The following STXBP5L variants were observed in gnomAD, a reference collection of about 807,000 sequenced individuals.
The protein encoded by STXBP5L is syntaxin binding protein 5L.
In STXBP5L, 65 loss-of-function variants were observed where a neutral mutation model predicts 144.5. That is an observed-to-expected ratio of 0.45 (90% CI 0.37 to 0.55). The LOEUF (loss-of-function observed/expected upper bound fraction) is 0.55. Ranked by LOEUF, STXBP5L falls within the 20% of genes least tolerant of loss-of-function variation. The pLI, the probability that STXBP5L is intolerant of heterozygous loss-of-function variation, is 0.00. For missense variants in STXBP5L, 1,298 were observed against 1,405.5 expected (o/e 0.92, Z 1.22); for synonymous variants, 505 against 469.6 (o/e 1.08, Z -0.97).
At chr3:121,122,219 A>G (rs894406390) in intron 7 of STXBP5L, among the ~76,000 whole-genome samples, 1 of 149,082 alleles carries the variant, frequency 6.7e-6, no homozygotes, top group Non-Finnish European at 1.5e-5. Flanking sequence ...GATATTTTTA[A>G]TATTAATTAA....
intron 20 of STXBP5L, among the ~76,000 whole-genome samples, chr3:121,338,272 G>C (rs1372385901): frequency 1.3e-5 from 2 of 152,014 alleles, no homozygotes; most frequent in African/African-American, 4.8e-5. Flanking sequence ...CAAAAAGTTG[G>C]TTCTTTGAAA....
chr3:120,976,783 T>A (rs1307979038), intron 3 of STXBP5L, among the ~76,000 whole-genome samples: 1 of 152,232 alleles, frequency 6.6e-6, no homozygotes, highest in Non-Finnish European at 1.5e-5. Context: ...TCTTTATTCC[T>A]GCCTTCATTT....
intron 12 of STXBP5L, among the ~76,000 whole-genome samples, chr3:121,237,376 C>G (rs1470285454): frequency 6.6e-6 from 1 of 152,188 alleles, no homozygotes; most frequent in South Asian, 2.1e-4. Context: ...ATGTGAGGAA[C>G]AGTGACCCAA....
At chr3:121,073,736 C>T (rs771329267) in intron 5 of STXBP5L, among the ~76,000 whole-genome samples, 1 of 152,088 alleles carries the variant, frequency 6.6e-6, no homozygotes, top group Non-Finnish European at 1.5e-5. Flanking sequence ...GCTTTGGTAG[C>T]CTTATACAAT....
intron 2 of STXBP5L, among the ~76,000 whole-genome samples, chr3:120,948,692 A>G (rs1184307579): frequency 6.6e-6 from 1 of 151,986 alleles, no homozygotes; most frequent in Non-Finnish European, 1.5e-5. Context: ...ACTTAGAATA[A>G]TGGTCTCCAA....
intron 3 of STXBP5L, among the ~76,000 whole-genome samples, chr3:121,017,924 A>G (rs1212257243): frequency 6.6e-6 from 1 of 152,020 alleles, no homozygotes; most frequent in Non-Finnish European, 1.5e-5. Flanking sequence ...AAACAAAACC[A>G]AAAAAATAGC....
chr3:121,184,992 C>A (rs1010147799), intron 9 of STXBP5L, among the ~76,000 whole-genome samples: 3 of 152,108 alleles, frequency 2.0e-5, no homozygotes, highest in Non-Finnish European at 4.4e-5. Context: ...GAAATAAAAT[C>A]CTTTACAGAC....
chr3:121,413,333 G>GAGTT lies in STXBP5L; in HGVS notation c.3114+12_3114+15dup. The GAGTT allele has an allele frequency of 6.6e-7, 1 of 1,512,710 alleles. No homozygotes were observed. The highest frequency in any genetic ancestry group is 1.4e-5 in the South Asian group (1 of 73,570). The allele number at this position is 1,512,710 out of a possible 1,614,324, so 93.7% of individuals were successfully genotyped here. A position where few individuals can be genotyped will look rare whatever the true frequency, so the allele number is the denominator to read the frequency against. The stretch of plus-strand genomic sequence containing the variant: ...GTGTGATAATCTACAGGTAGGTCAG[G>GAGTT]AGTTACATTTATGAAAAAGACATTG... On this transcript the variant is annotated intron_variant, in intron 24 of 26. Transcript: ENST00000471454.
chr3:121,009,559 C>G (rs1321640725), intron 3 of STXBP5L, among the ~76,000 whole-genome samples: 1 of 151,914 alleles, frequency 6.6e-6, no homozygotes, highest in Admixed American at 6.6e-5. Flanking sequence ...GGAGAGGACC[C>G]ATTTATTTAA....
intron 5 of STXBP5L, among the ~76,000 whole-genome samples, chr3:121,070,222 T>G (rs1265527684): frequency 6.6e-6 from 1 of 152,202 alleles, no homozygotes; most frequent in Non-Finnish European, 1.5e-5. Context: ...GAGAAGTAAG[T>G]TACAGAAGCA....
intron 3 of STXBP5L, among the ~76,000 whole-genome samples, chr3:120,968,768 C>G (rs1234058216): frequency 6.6e-6 from 1 of 152,152 alleles, no homozygotes; most frequent in Non-Finnish European, 1.5e-5. Flanking sequence ...TTTGCATCCT[C>G]ATAGCTTAGC....
rs201494015 is a variant in STXBP5L at position 121,201,655 on chromosome 3, GT to G, written c.878-4257del. On this transcript the variant is annotated intron_variant, in intron 9 of 26. Coordinates refer to ENST00000471454, the MANE Select transcript of STXBP5L (RefSeq NM_001308330.2). ...GTTTTTGCAGTGGCCGTTACTGGTT[GT>G]TTTTTTTTTTCCATATTTAGTGCTT... 5.0e-4 allele frequency among the ~76,000 whole-genome samples: 73 copies of G among 146,182 alleles called. No individual in the cohort carries two copies. In the East Asian group the frequency reaches 5.7e-3, roughly 12 times the overall value.
chr3:121,180,924 G>C (rs990377612), intron 9 of STXBP5L, among the ~76,000 whole-genome samples: 2 of 150,410 alleles, frequency 1.3e-5, no homozygotes, highest in African/African-American at 2.4e-5. Context: ...AGAAAAGAAA[G>C]AGAAAGAGAA....
At chr3:121,245,884 G>A (rs1275348659) in intron 14 of STXBP5L, among the ~76,000 whole-genome samples, 1 of 152,050 alleles carries the variant, frequency 6.6e-6, no homozygotes, top group African/African-American at 2.4e-5. Context: ...AGATCAACTA[G>A]ACAAAAGATC....
intron 3 of STXBP5L, among the ~76,000 whole-genome samples, chr3:120,957,667 A>G (rs1938197053): frequency 6.6e-6 from 1 of 152,136 alleles, no homozygotes; most frequent in Non-Finnish European, 1.5e-5. Context: ...TACTGAGTAC[A>G]TAACGAAATG....
intron 9 of STXBP5L, among the ~76,000 whole-genome samples, chr3:121,174,522 C>A (rs781264900): frequency 1.4e-4 from 21 of 152,072 alleles, no homozygotes; most frequent in Non-Finnish European, 2.6e-4. Context: ...AATTTGAAAT[C>A]TGGGGAGAGA....
At chr3:121,334,538 A>T (rs150635884) in intron 20 of STXBP5L, among the ~76,000 whole-genome samples, 1 of 151,456 alleles carries the variant, frequency 6.6e-6, no homozygotes, top group Non-Finnish European at 1.5e-5. Flanking sequence ...ACAACAAAAA[A>T]AAAAGAAAAC....
chr3:121,270,799 T>C (rs564774437), intron 18 of STXBP5L, among the ~76,000 whole-genome samples: 5 of 152,286 alleles, frequency 3.3e-5, no homozygotes, highest in Non-Finnish European at 7.4e-5. Flanking sequence ...CAGCCAATTA[T>C]ATTGTTAACT....
intron 19 of STXBP5L, among the ~76,000 whole-genome samples, chr3:121,285,863 T>C (rs1305509615): frequency 6.6e-6 from 1 of 152,088 alleles, no homozygotes; most frequent in Non-Finnish European, 1.5e-5. Flanking sequence ...TTAATAAAAG[T>C]GATTCTATAA....
Sources: gnomAD v4.1 joint callset for allele counts (sites outside exome capture counted in the v4.1 genomes callset) on GRCh38, gnomAD v4.1.1 for gene constraint, MANE v1.5 for transcripts, NCBI Gene and HGNC (gene_info 2026-07-23, HGNC 2026-07-21) for gene names.